Variants in KYNU observed in about 807,000 individuals in gnomAD.
KYNU encodes the protein L-kynurenine hydrolase.
Under a neutral mutation model 59.2 loss-of-function variants are expected in KYNU, and 54 were observed. The ratio of observed to expected loss-of-function variants is 0.91; its 90% CI spans 0.73 to 1.14. The LOEUF (loss-of-function observed/expected upper bound fraction) is 1.14. Ranked by LOEUF, KYNU falls within the 50% of genes most tolerant of loss-of-function variation. The probability of loss-of-function intolerance (pLI) is 0.00; values close to 1 mark genes in which losing one functional copy is unlikely to be tolerated. For missense variants in KYNU, 567 were observed against 554.4 expected (o/e 1.02, Z -0.23); for synonymous variants, 177 against 192.0 (o/e 0.92, Z 0.65).
At chr2:142,908,737 C>G (rs1236387290) in intron 2 of KYNU, among the ~76,000 whole-genome samples, 1 of 152,068 alleles carries the variant, frequency 6.6e-6, no homozygotes, top group Admixed American at 6.6e-5. Context: ...TAGGTTCACA[C>G]CATTCTCCTG....
intron 2 of KYNU, 35 bp from the exon 3 acceptor site, chr2:142,918,574 T>TTA (rs1553476629): frequency 3.4e-5 from 16 of 468,856 alleles, no homozygotes; most frequent in African/African-American, 2.7e-4. Flanking sequence ...AAGCTTTTAT[T>TTA]TTTTTTTTTT....
intron 4 of KYNU, among the ~76,000 whole-genome samples, chr2:142,932,448 G>C (rs1573805848): frequency 6.6e-6 from 1 of 152,070 alleles, no homozygotes; most frequent in South Asian, 2.1e-4. Context: ...ATTTCCAGCC[G>C]ATATGTGATT....
Position 143,024,775 on chromosome 2 carries a change from T to C in KYNU, c.903-4852T>C, listed in dbSNP as rs139693221. ...CAGAGGATGTTGCATTTTTTCAATG[T>C]AGATTCAAATCATTTTTATTTCCTC... On this transcript the variant is annotated intron_variant, in intron 10 of 13. Transcript: ENST00000264170. 8.5e-5 allele frequency among the ~76,000 whole-genome samples: 13 copies of C among 152,228 alleles called. 1 individual carries two copies. Among genetic ancestry groups the C allele is most frequent in the African/African-American group, 3.1e-4 (13 of 41,582 alleles).
At chr2:142,987,302 C>T (rs890360238) in intron 10 of KYNU, among the ~76,000 whole-genome samples, 2 of 151,146 alleles carry the variant, frequency 1.3e-5, no homozygotes, top group African/African-American at 2.4e-5. Context: ...AGCCAGTGCC[C>T]GGATAGAAGG....
chr2:142,980,971 A>C (rs1001792119), intron 8 of KYNU, among the ~76,000 whole-genome samples: 2 of 152,140 alleles, frequency 1.3e-5, no homozygotes, highest in African/African-American at 4.8e-5. Context: ...TTAATGTTTA[A>C]GATGCTGCCA....
chr2:142,880,066 CATT>C (rs1287603878), intron 1 of KYNU, among the ~76,000 whole-genome samples: 1 of 152,278 alleles, frequency 6.6e-6, no homozygotes, highest in East Asian at 1.9e-4. Context: ...AGTAATATGT[CATT>C]ATGTCAAATA....
intron 12 of KYNU, among the ~76,000 whole-genome samples, chr2:143,036,418 G>A (rs571615696): frequency 1.8e-4 from 28 of 152,108 alleles, no homozygotes; most frequent in African/African-American, 4.3e-4. Context: ...TTTAAAAGAC[G>A]TAAAGGTAGA....
rs760467413 is a variant in KYNU at position 142,962,788 on chromosome 2, AT to A, written c.729+2023del. 7.2e-5 allele frequency among the ~76,000 whole-genome samples: 11 copies of A among 152,144 alleles called. No homozygotes were observed. The East Asian group carries it at 1.9e-3, about 27-fold the overall frequency. ...TCCATTATCAAGATTATTCTAACAAATTTTTACCCTCTTGCTGTAGTTCCTC... is the reference window on the plus strand; with the variant it reads ...TCCATTATCAAGATTATTCTAACAAATTTTACCCTCTTGCTGTAGTTCCTC... On this transcript the variant is annotated intron_variant, in intron 8 of 13. Coordinates refer to ENST00000264170, the MANE Select transcript of KYNU (RefSeq NM_003937.3).
chr2:142,968,303 G>T (rs912385351), intron 8 of KYNU, among the ~76,000 whole-genome samples: 3 of 152,156 alleles, frequency 2.0e-5, no homozygotes, highest in Non-Finnish European at 4.4e-5. Flanking sequence ...GAAGTTATCA[G>T]GTAAAATCCC....
At position 143,043,215 on chromosome 2, in the gene KYNU, G is replaced by T. The variant is rs185598397; in HGVS notation, c.*1043G>T. 3.3e-5 allele frequency: 5 copies of T among 151,816 alleles called. No homozygotes were observed. The South Asian group carries it at 6.3e-4, about 19-fold the overall frequency. 9.4% of individuals were successfully genotyped at this position (151,816 alleles called of 1,614,324 possible). A position where few individuals can be genotyped will look rare whatever the true frequency, so the allele number is the denominator to read the frequency against. ...ATAAATAACCCCAAGATCTTTTTGG[G>T]GATTAGAGATATAAGAAATATGTGC... On this transcript the variant is annotated 3_prime_UTR_variant, in exon 14 of 14. Coordinates refer to ENST00000264170, the MANE Select transcript of KYNU (RefSeq NM_003937.3).
At chr2:142,882,072 T>G (rs35246097) in intron 1 of KYNU, among the ~76,000 whole-genome samples, 3,078 of 151,968 alleles carry the variant, frequency 0.02, 52 homozygotes, top group African/African-American at 0.051. Context: ...AATTCCAATT[T>G]CCCTCCTCAA....
intron 10 of KYNU, among the ~76,000 whole-genome samples, chr2:143,020,562 G>A (rs1224266829): frequency 6.6e-6 from 1 of 152,118 alleles, no homozygotes; most frequent in African/African-American, 2.4e-5. Flanking sequence ...GTCTATCCTG[G>A]CAAATGTTCT....
At chr2:142,997,307 A>G (rs975021) in intron 10 of KYNU, among the ~76,000 whole-genome samples, 13,748 of 152,210 alleles carry the variant, frequency 0.09, 847 homozygotes, top group African/African-American at 0.17. Context: ...AATAAGTAAC[A>G]TACTTCAGAT....
At chr2:142,879,574 A>C (rs1681220008) in intron 1 of KYNU, 1 of 152,328 alleles carries the variant, frequency 6.6e-6, no homozygotes, top group Non-Finnish European at 1.5e-5. Flanking sequence ...ATAAAGTGAG[A>C]GGTTCAAGGC....
chr2:142,948,851 G>T (rs931350063), intron 4 of KYNU, among the ~76,000 whole-genome samples: 1 of 152,170 alleles, frequency 6.6e-6, no homozygotes, highest in Non-Finnish European at 1.5e-5. Context: ...ACTCATTCCA[G>T]CATTAACTCA....
Position 143,047,396 on chromosome 2 carries a change from T to C in KYNU, c.*5224T>C, listed in dbSNP as rs955968672. The C allele has an allele frequency of 6.6e-6, 1 of 152,158 alleles. No homozygotes were observed. Among genetic ancestry groups the C allele is most frequent in the African/African-American group, 2.4e-5 (1 of 41,432 alleles). The allele number at this position is 152,158 out of a possible 1,614,324, so 9.4% of individuals were successfully genotyped here. A position where few individuals can be genotyped will look rare whatever the true frequency, so the allele number is the denominator to read the frequency against. On this transcript the variant is annotated 3_prime_UTR_variant, in exon 14 of 14. Coordinates refer to ENST00000264170, the MANE Select transcript of KYNU (RefSeq NM_003937.3). ...GCCCCATGTGTTATCTTTTATAAAA[T>C]TTAACATTTAACTGATAATTGATAC...
intron 12 of KYNU, among the ~76,000 whole-genome samples, chr2:143,036,216 T>G (rs974596840): frequency 5.3e-5 from 8 of 151,954 alleles, no homozygotes; most frequent in African/African-American, 1.9e-4. Context: ...TTTAATTTAT[T>G]TAGTAAGGCC....
At position 143,040,441 on chromosome 2, in the gene KYNU, C is replaced by CTG. The variant is rs1249893951; in HGVS notation, c.1055_1056insTG (p.Thr353GlyfsTer3). ...CTCATTCCACAGATCTTTAAGCAAGCGACAATGAAGGCATTGCGGAAAAAA... is the reference window on the plus strand; with the variant it reads ...CTCATTCCACAGATCTTTAAGCAAGCTGGACAATGAAGGCATTGCGGAAAAAA... On this transcript the variant is annotated frameshift_variant, in exon 13 of 14. Coordinates refer to ENST00000264170, the MANE Select transcript of KYNU (RefSeq NM_003937.3). LOFTEE classifies it high-confidence loss of function. 5.0e-6 allele frequency: 8 copies of CTG among 1,611,342 alleles called. No homozygotes were observed. The highest frequency in any genetic ancestry group is 1.3e-5 in the African/African-American group (1 of 74,804).
rs371441790 is a variant in KYNU at position 142,974,968 on chromosome 2, T to C, written c.730-10116T>C. On this transcript the variant is annotated intron_variant, in intron 8 of 13. Coordinates refer to ENST00000264170, the MANE Select transcript of KYNU (RefSeq NM_003937.3). ...TACACTTTTTTAAAATATTAGGGTATGGCTTGAAATCAGTGGGTAATAAAA... is the reference window on the plus strand; with the variant it reads ...TACACTTTTTTAAAATATTAGGGTACGGCTTGAAATCAGTGGGTAATAAAA... 3.3e-5 allele frequency among the ~76,000 whole-genome samples: 5 copies of C among 152,268 alleles called. No individual in the cohort carries two copies. The South Asian group carries it at 1.0e-3, about 32-fold the overall frequency.
Sources: gnomAD v4.1 joint callset for allele counts (sites outside exome capture counted in the v4.1 genomes callset) on GRCh38, gnomAD v4.1.1 for gene constraint, MANE v1.5 for transcripts, NCBI Gene and HGNC (gene_info 2026-07-23, HGNC 2026-07-21) for gene names.